Variants in SLC4A4 observed in about 807,000 individuals in gnomAD.
The protein encoded by SLC4A4 is electrogenic sodium bicarbonate cotransporter 1.
In SLC4A4, 27 loss-of-function variants were observed where a neutral mutation model predicts 111.5. That is an observed-to-expected ratio of 0.24 (90% CI 0.18 to 0.33). The LOEUF is 0.33. SLC4A4 is among the 10% of genes least tolerant of loss of function. The pLI, the probability that SLC4A4 is intolerant of heterozygous loss-of-function variation, is 1.00. For missense variants in SLC4A4, 909 were observed against 1,315.5 expected, an observed-to-expected ratio of 0.69 and a Z score of 4.78; for synonymous variants, 443 against 463.4, an observed-to-expected ratio of 0.96 and a Z score of 0.57.
chr4:71,423,218 T>C (rs2149027394), intron 7 of SLC4A4, among the ~76,000 whole-genome samples: 1 of 152,312 alleles, frequency 6.6e-6, no homozygotes, highest in East Asian at 1.9e-4. Context: ...AGCCAAATCA[T>C]GAGTGAACTC....
intron 3 of SLC4A4, among the ~76,000 whole-genome samples, chr4:71,303,407 T>C (rs1725423582): frequency 6.6e-6 from 1 of 152,246 alleles, no homozygotes; most frequent in African/African-American, 2.4e-5. Flanking sequence ...GTCAAGAATG[T>C]TTGCAGATTC....
At chr4:71,177,465 A>G (rs1745131643) in intron 2 of SLC4A4, among the ~76,000 whole-genome samples, 1 of 152,162 alleles carries the variant, frequency 6.6e-6, no homozygotes, top group East Asian at 1.9e-4. Context: ...ATAGGCTCAA[A>G]ATAAAGGGAT....
intron 6 of SLC4A4, among the ~76,000 whole-genome samples, chr4:71,379,085 G>A (rs533299527): frequency 5.9e-5 from 9 of 152,048 alleles, no homozygotes; most frequent in South Asian, 2.1e-4. Context: ...TGTTTTCCAC[G>A]CCTTCACTCT....
At chr4:71,427,297 A>C (rs893979272) in intron 7 of SLC4A4, among the ~76,000 whole-genome samples, 1 of 152,060 alleles carries the variant, frequency 6.6e-6, no homozygotes, top group African/African-American at 2.4e-5. Flanking sequence ...TAAGGCATGA[A>C]TGTTACTGAA....
chr4:71,568,134 C>G lies in SLC4A4; in HGVS notation c.*383C>G, dbSNP rs1022241328. 1 of 384,536 alleles carries G rather than the reference C, an allele frequency of 2.6e-6. No individual in the cohort carries two copies. The highest frequency in any genetic ancestry group is 4.7e-6 in the Non-Finnish European group (1 of 214,788). The allele number at this position is 384,536 out of a possible 1,614,324, so 23.8% of individuals were successfully genotyped here. Reference sequence around the variant, plus strand: ...ACTTTCAGATGTGTCCTTTGATAACCAAATTCTGTCACTCAAGACACAGAC... The same window carrying G: ...ACTTTCAGATGTGTCCTTTGATAACGAAATTCTGTCACTCAAGACACAGAC... On this transcript the variant is annotated 3_prime_UTR_variant, in exon 26 of 26. Coordinates refer to ENST00000264485, the MANE Select transcript of SLC4A4 (RefSeq NM_001098484.3).
At chr4:71,451,836 T>A (rs1725791190) in intron 11 of SLC4A4, among the ~76,000 whole-genome samples, 1 of 152,178 alleles carries the variant, frequency 6.6e-6, no homozygotes. Context: ...TGTACCAGCC[T>A]TCACCTCTTG....
chr4:71,095,780 A>G (rs1452772723), intron 2 of SLC4A4, among the ~76,000 whole-genome samples: 1 of 152,220 alleles, frequency 6.6e-6, no homozygotes, highest in Non-Finnish European at 1.5e-5. Flanking sequence ...AATGAGGGCT[A>G]TAAAAGAGAA....
At chr4:71,087,495 T>C (rs1742218004) in intron 1 of SLC4A4, among the ~76,000 whole-genome samples, 1 of 152,108 alleles carries the variant, frequency 6.6e-6, no homozygotes, top group Non-Finnish European at 1.5e-5. Context: ...ATTTGTGATG[T>C]TAGGGTGTCA....
chr4:71,359,924 T>G (rs1248311998), intron 6 of SLC4A4, among the ~76,000 whole-genome samples: 5 of 152,188 alleles, frequency 3.3e-5, no homozygotes, highest in Non-Finnish European at 7.3e-5. Flanking sequence ...TAACTGAAAT[T>G]TATAGAGATA....
At chr4:71,179,262 A>G (rs1745204615) in intron 2 of SLC4A4, among the ~76,000 whole-genome samples, 2 of 152,318 alleles carry the variant, frequency 1.3e-5, no homozygotes, top group Admixed American at 6.5e-5. Context: ...TGAATGGGCA[A>G]AAACTGGAAG....
At chr4:71,292,927 T>C (rs1328694222) in intron 3 of SLC4A4, among the ~76,000 whole-genome samples, 1 of 146,518 alleles carries the variant, frequency 6.8e-6, no homozygotes, top group Non-Finnish European at 1.5e-5. Context: ...CTGCAACCTC[T>C]GCCCTCTGAG....
intron 1 of SLC4A4, among the ~76,000 whole-genome samples, chr4:71,065,715 C>A (rs1406683831): frequency 6.6e-6 from 1 of 152,070 alleles, no homozygotes; most frequent in African/African-American, 2.4e-5. Flanking sequence ...TTACATCCTT[C>A]CCTTCACTCG....
At chr4:71,092,105 G>A (rs1742407125) in intron 1 of SLC4A4, among the ~76,000 whole-genome samples, 1 of 152,160 alleles carries the variant, frequency 6.6e-6, no homozygotes, top group Non-Finnish European at 1.5e-5. Flanking sequence ...TTACTACTCA[G>A]TAAGTATGTA....
At chr4:71,480,019 T>C (rs1728725604) in intron 14 of SLC4A4, among the ~76,000 whole-genome samples, 1 of 74,194 alleles carries the variant, frequency 1.3e-5, no homozygotes, top group South Asian at 8.1e-4. Flanking sequence ...AATATGCCCA[T>C]CTTTTTTTTT....
At chr4:71,372,094 A>G (rs1731947740) in intron 6 of SLC4A4, among the ~76,000 whole-genome samples, 1 of 152,250 alleles carries the variant, frequency 6.6e-6, no homozygotes, top group African/African-American at 2.4e-5. Flanking sequence ...ATTTGTAACA[A>G]GGTTTTTTAA....
intron 2 of SLC4A4, among the ~76,000 whole-genome samples, chr4:71,114,089 T>C (rs968678974): frequency 6.6e-6 from 1 of 151,726 alleles, no homozygotes; most frequent in South Asian, 2.1e-4. Flanking sequence ...CTAGTAAACA[T>C]ACAAAAAATT....
At chr4:71,334,439 A>C (rs1303877218) in intron 3 of SLC4A4, among the ~76,000 whole-genome samples, 1 of 152,074 alleles carries the variant, frequency 6.6e-6, no homozygotes, top group Non-Finnish European at 1.5e-5. Flanking sequence ...AAGCAGAAGG[A>C]AGGAGTTTCT....
chr4:71,069,903 G>C (rs1238901183), intron 1 of SLC4A4, among the ~76,000 whole-genome samples: 2 of 151,898 alleles, frequency 1.3e-5, no homozygotes, highest in African/African-American at 4.8e-5. Flanking sequence ...TTTTAGAGTT[G>C]ATATTATGCT....
At chr4:71,148,630 T>C (rs1744241990) in intron 2 of SLC4A4, among the ~76,000 whole-genome samples, 1 of 152,192 alleles carries the variant, frequency 6.6e-6, no homozygotes, top group Admixed American at 6.5e-5. Context: ...CTTCCACTTA[T>C]AAAAGAGAGC....
Sources: allele counts gnomAD v4.1 joint callset (sites outside exome capture counted in the v4.1 genomes callset), GRCh38; gene constraint gnomAD v4.1.1; transcripts MANE v1.5; gene names NCBI Gene and HGNC (gene_info 2026-07-23, HGNC 2026-07-21).